The following SERPINB10 variants were observed in gnomAD, a reference collection of about 807,000 sequenced individuals.
SERPINB10 encodes serpin family B member 10, also known as serpin B10.
Under a neutral mutation model 39.1 loss-of-function variants are expected in SERPINB10, and 35 were observed. That is an observed-to-expected ratio of 0.90 (90% CI 0.68 to 1.19). The LOEUF is 1.19. Among genes scored for constraint, SERPINB10 ranks in the 50% most tolerant of loss-of-function variants. SERPINB10 has a pLI of 0.00. For synonymous variants in SERPINB10, 190 were observed against 158.1 expected, an observed-to-expected ratio of 1.20 and a Z score of -1.52; for missense variants, 546 against 460.5, an observed-to-expected ratio of 1.19 and a Z score of -1.70.
At chr18:63,933,832 G>T (rs925172017) in intron 7 of SERPINB10, among the ~76,000 whole-genome samples, 1 of 152,180 alleles carries the variant, frequency 6.6e-6, no homozygotes, top group Non-Finnish European at 1.5e-5. Context: ...CTGAACATGA[G>T]TCTCATGCAA....
chr18:63,931,871 C>G (rs1405839310), intron 6 of SERPINB10, among the ~76,000 whole-genome samples: 1 of 152,136 alleles, frequency 6.6e-6, no homozygotes, highest in Non-Finnish European at 1.5e-5. Context: ...AATGGCATTC[C>G]GAATAGTTTC....
At chr18:63,923,511 A>T (rs1252007888) in intron 5 of SERPINB10, among the ~76,000 whole-genome samples, 3 of 151,898 alleles carry the variant, frequency 2.0e-5, no homozygotes, top group Non-Finnish European at 4.4e-5. Flanking sequence ...AATAAAAACA[A>T]CAAACCTGCA....
intron 5 of SERPINB10, among the ~76,000 whole-genome samples, chr18:63,921,647 A>G (rs1241246134): frequency 2.0e-5 from 3 of 151,916 alleles, no homozygotes; most frequent in African/African-American, 4.8e-5. Flanking sequence ...CTAGAATACA[A>G]ATTAGACCAG....
chr18:63,919,941 TC>T, intron 5 of SERPINB10, 36 bp downstream of exon 5: 1 of 1,249,346 alleles, frequency 8.0e-7, no homozygotes. Context: ...AGCGTGCTTT[TC>T]CCAAACATCC....
At chr18:63,911,242 C>T (rs544805601) in intron 1 of SERPINB10, among the ~76,000 whole-genome samples, 57 of 152,106 alleles carry the variant, frequency 3.7e-4, no homozygotes, top group African/African-American at 1.3e-3. Context: ...TGTCTGTTTA[C>T]TCTGTTGATA....
At chr18:63,925,403 G>A (rs1331032594) in intron 5 of SERPINB10, among the ~76,000 whole-genome samples, 1 of 151,912 alleles carries the variant, frequency 6.6e-6, no homozygotes, top group African/African-American at 2.4e-5. Flanking sequence ...AGAGCTCCTG[G>A]ACAAAATGGT....
rs1445274840 is a variant in SERPINB10, at chr18:63,915,665, C to A, written c.155C>A (p.Ala52Asp). 1 of 1,609,712 alleles carries A rather than the reference C, an allele frequency of 6.2e-7. No homozygotes were observed. Among genetic ancestry groups the A allele is most frequent in the Admixed American group, 1.7e-5 (1 of 59,622 alleles). The change falls in exon 2 of 8, where the codon GCC becomes GAC. Residue 52 changes from alanine to aspartate, a missense_variant. Ala to Asp is a moderately radical substitution (Grantham distance 126). Coordinates refer to ENST00000238508, the MANE Select transcript of SERPINB10 (RefSeq NM_005024.3). ...VYLGAKGTTA[A>D]QMAQVLQFNR... ...TTGGGCGCCAAAGGTACCACTGCAG[C>A]CCAAATGGCCCAGGTGAGTGGAAAA...
chr18:63,918,219 T>A, intron 4 of SERPINB10, 117 bp downstream of exon 4: 1 of 1,051,878 alleles, frequency 9.5e-7, no homozygotes, highest in African/African-American at 1.6e-5. Flanking sequence ...GGTCAGTACT[T>A]CCCTGCAAAC....
At chr18:63,918,156 C>T in intron 4 of SERPINB10, 54 bp downstream of exon 4, 1 of 1,572,964 alleles carries the variant, frequency 6.4e-7, no homozygotes, top group Non-Finnish European at 8.7e-7. Flanking sequence ...CAATGTGAGA[C>T]CAATCAGTAA....
chr18:63,928,568 T>C (rs2050196478), intron 5 of SERPINB10, among the ~76,000 whole-genome samples: 1 of 152,010 alleles, frequency 6.6e-6, no homozygotes, highest in African/African-American at 2.4e-5. Flanking sequence ...CAAACAGAAG[T>C]GAAAAAGAAG....
At chr18:63,919,645 G>A (rs774023904) in intron 4 of SERPINB10, 143 bp from the exon 5 acceptor site, 51 of 542,378 alleles carry the variant, frequency 9.4e-5, no homozygotes, top group Non-Finnish European at 1.5e-4. Context: ...GACCAAAACT[G>A]GGAGTCAGGA....
intron 5 of SERPINB10, among the ~76,000 whole-genome samples, chr18:63,924,797 G>A (rs893032099): frequency 6.6e-6 from 1 of 151,648 alleles, no homozygotes; most frequent in Non-Finnish European, 1.5e-5. Context: ...TTTCTCTTTC[G>A]GGATTCTTCA....
intron 1 of SERPINB10, among the ~76,000 whole-genome samples, chr18:63,909,165 C>A (rs2050046516): frequency 6.6e-6 from 1 of 151,988 alleles, no homozygotes; most frequent in African/African-American, 2.4e-5. Flanking sequence ...TTTCTTAATT[C>A]TCTTTGGCTT....
At position 63,935,209 on chromosome 18, in the gene SERPINB10, C is replaced by T. The variant is rs1309835726; in HGVS notation, c.1161C>T (p.Thr387=). ...TCATCAGGCACAATAAAACCAACAC[C>T]ATTCTTTTTTATGGAAGATTATGCT... ...LFFIRHNKTN[T]ILFYGRLCSP Residue 387 remains threonine (T), a synonymous_variant, in exon 8 of 8, where the codon ACC becomes ACT. Transcript: ENST00000238508. 6.2e-7 allele frequency: 1 copy of T among 1,602,222 alleles called. No homozygotes were observed. The highest frequency in any genetic ancestry group is 8.5e-7 in the Non-Finnish European group (1 of 1,174,554).
Position 63,935,583 on chromosome 18 carries a change from A to G in SERPINB10, c.*341A>G, listed in dbSNP as rs537890219. 13 of 183,318 alleles carry G rather than the reference A, an allele frequency of 7.1e-5. No homozygotes were observed. The highest frequency in any genetic ancestry group is 1.3e-4 in the Non-Finnish European group (12 of 88,980). 11.4% of individuals were successfully genotyped at this position (183,318 alleles called of 1,614,324 possible). On this transcript the variant is annotated 3_prime_UTR_variant, in exon 8 of 8. Coordinates refer to ENST00000238508, the MANE Select transcript of SERPINB10 (RefSeq NM_005024.3). ...TCATATATTTCATATACATCATTAA[A>G]TGAAAAAAAATCTTTATAAAGGTGA...
intron 5 of SERPINB10, among the ~76,000 whole-genome samples, chr18:63,928,709 C>G (rs62097497): frequency 0.11 from 16,958 of 151,948 alleles, 2,211 homozygotes; most frequent in African/African-American, 0.31. Context: ...TTTGTATCCT[C>G]TTTTATTTCC....
intron 6 of SERPINB10, among the ~76,000 whole-genome samples, chr18:63,932,383 CA>C (rs1391883543): frequency 6.6e-6 from 1 of 152,164 alleles, no homozygotes; most frequent in African/African-American, 2.4e-5. Context: ...CAGTAAATGA[CA>C]GTGCCTGTTG....
At chr18:63,923,367 G>A (rs1012904708) in intron 5 of SERPINB10, among the ~76,000 whole-genome samples, 12 of 151,910 alleles carry the variant, frequency 7.9e-5, no homozygotes, top group African/African-American at 2.7e-4. Context: ...ATGTCCTTAA[G>A]GGAAAGTTGC....
intron 2 of SERPINB10, 25 bp from the exon 3 acceptor site, chr18:63,917,430 CA>C: frequency 7.2e-7 from 1 of 1,391,202 alleles, no homozygotes; most frequent in Non-Finnish European, 9.9e-7. Flanking sequence ...GCAGTCTATT[CA>C]TTTGTATTTT....
Sources: allele counts gnomAD v4.1 joint callset (sites outside exome capture counted in the v4.1 genomes callset), GRCh38; gene constraint gnomAD v4.1.1; transcripts MANE v1.5; gene names NCBI Gene and HGNC (gene_info 2026-07-23, HGNC 2026-07-21).